The following RFC1 variants were observed in gnomAD, a reference collection of about 807,000 sequenced individuals.
The protein encoded by RFC1 is A1 140 kDa subunit.
A neutral mutation model predicts 137.4 loss-of-function variants in RFC1; 37 were observed. The observed-to-expected ratio is 0.27, with a 90% confidence interval of 0.21 to 0.35. The LOEUF is 0.35. Ranked by LOEUF, RFC1 falls within the 10% of genes least tolerant of loss-of-function variation. The pLI, the probability that RFC1 is intolerant of heterozygous loss-of-function variation, is 1.00. For missense variants in RFC1, 1,205 were observed against 1,358.5 expected, an observed-to-expected ratio of 0.89 and a Z score of 1.78; for synonymous variants, 429 against 455.7, an observed-to-expected ratio of 0.94 and a Z score of 0.75.
At chr4:39,347,228 T>C (rs1467925779) in intron 2 of RFC1, among the ~76,000 whole-genome samples, 1 of 152,218 alleles carries the variant, frequency 6.6e-6, no homozygotes, top group Non-Finnish European at 1.5e-5. Context: ...GCTTAATATT[T>C]AAATCAATTG....
intron 12 of RFC1, among the ~76,000 whole-genome samples, chr4:39,309,922 C>T (rs926531645): frequency 3.9e-5 from 6 of 152,146 alleles, no homozygotes; most frequent in Admixed American, 2.6e-4. Flanking sequence ...TAAGTACCTC[C>T]TTCTCCTGCC....
At chr4:39,364,294 A>G (rs1741914306) in intron 1 of RFC1, among the ~76,000 whole-genome samples, 2 of 151,094 alleles carry the variant, frequency 1.3e-5, no homozygotes. Flanking sequence ...CTACTGTCTT[A>G]TAACTTTGCA....
intron 1 of RFC1, among the ~76,000 whole-genome samples, chr4:39,354,808 C>T (rs1449082559): frequency 6.8e-6 from 1 of 146,038 alleles, no homozygotes; most frequent in Non-Finnish European, 1.5e-5. Context: ...ACAGGCTGGA[C>T]ACAGTGGCTC....
chr4:39,336,596 G>C (rs1426699789), intron 4 of RFC1, among the ~76,000 whole-genome samples: 1 of 152,254 alleles, frequency 6.6e-6, no homozygotes, highest in African/African-American at 2.4e-5. Flanking sequence ...TTGAAGCCGA[G>C]TAACTCTCTG....
At chr4:39,331,332 A>G (rs780770944) in intron 4 of RFC1, among the ~76,000 whole-genome samples, 1 of 152,200 alleles carries the variant, frequency 6.6e-6, no homozygotes, top group Non-Finnish European at 1.5e-5. Flanking sequence ...CTAGTTTCCT[A>G]CCACCTTAAA....
At chr4:39,292,024 G>A in intron 22 of RFC1, 172 bp from the exon 23 acceptor site, 1 of 606,332 alleles carries the variant, frequency 1.6e-6, no homozygotes, top group African/African-American at 1.8e-5. Context: ...CAGCACCACA[G>A]CATGAGGGTA....
At position 39,288,130 on chromosome 4, in the gene RFC1, T is replaced by G. The variant is rs1163125645; in HGVS notation, c.*631A>C. 1 of 152,194 alleles carries G rather than the reference T, an allele frequency of 6.6e-6. No individual in the cohort carries two copies. The highest frequency in any genetic ancestry group is 1.5e-5 in the Non-Finnish European group (1 of 68,028). The allele number at this position is 152,194 out of a possible 1,614,324, so 9.4% of individuals were successfully genotyped here. On this transcript the variant is annotated 3_prime_UTR_variant, in exon 25 of 25. Transcript: ENST00000349703. ...AATACAGTGAGCTTTTTTAATCCAA[T>G]CATTTGCAAATTAATAAGGAAGTAA...
At chr4:39,321,406 A>C in intron 7 of RFC1, 32 bp from the exon 8 acceptor site, 1 of 1,576,094 alleles carries the variant, frequency 6.3e-7, no homozygotes. Flanking sequence ...CAAATGTGAC[A>C]AATAATAGAA....
rs1394387956 is a variant in RFC1, at chr4:39,308,698, G to C, written c.1823C>G (p.Ala608Gly). The C allele has an allele frequency of 1.2e-6, 2 of 1,614,010 alleles. No individual in the cohort carries two copies. Among genetic ancestry groups the C allele is most frequent in the African/African-American group, 2.7e-5 (2 of 74,906 alleles). Reference protein sequence around the residue: ...IIGQQGDQSCANKLLRWLRNW... With the variant: ...IIGQQGDQSCGNKLLRWLRNW... ...TCGGAGCCAGCGTAGGAGTTTGTTG[G>C]CACAGCTCTGGTCACCTTGCTGTCC... The change falls in exon 13 of 25, where the codon GCC (alanine) becomes GGC (glycine). Residue 608 changes from alanine to glycine, a missense_variant. Around this residue, in one of 3 missense-constraint regions of RFC1, gnomAD observed 962 missense variants for 1,035.3 expected, o/e 0.93. Transcript: ENST00000349703.
At chr4:39,313,228 T>G (rs1428377362) in intron 10 of RFC1, among the ~76,000 whole-genome samples, 6 of 152,202 alleles carry the variant, frequency 3.9e-5, no homozygotes, top group Non-Finnish European at 8.8e-5. Context: ...TATGCCCTCT[T>G]CATATCTAAA....
At chr4:39,335,747 G>A (rs531371484) in intron 4 of RFC1, among the ~76,000 whole-genome samples, 1 of 152,268 alleles carries the variant, frequency 6.6e-6, no homozygotes, top group South Asian at 2.1e-4. Flanking sequence ...AGAGTTAAGG[G>A]AGTGATTCTG....
chr4:39,351,276 A>AAAAAAAT, intron 2 of RFC1, 72 bp downstream of exon 2: 1 of 545,520 alleles, frequency 1.8e-6, no homozygotes, highest in Non-Finnish European at 2.6e-6. Context: ...AAAAAAAAAA[A>AAAAAAAT]AAAAAAAAAC....
In RFC1 at chr4:39,319,584, T is replaced by C. The variant is rs1578134014; in HGVS notation, c.1095+799A>G. Among the ~76,000 whole-genome samples the C allele has an allele frequency of 3.3e-5, 5 of 152,246 alleles. No individual in the cohort carries two copies. In the South Asian group the frequency reaches 1.0e-3, roughly 32 times the overall value. ...CCTACAACAGCTTCTAAATAAGATA[T>C]CTTAAAAATATTATAATGACTTATG... On this transcript the variant is annotated intron_variant, in intron 9 of 24. Coordinates refer to ENST00000349703, the MANE Select transcript of RFC1 (RefSeq NM_002913.5).
chr4:39,294,989 T>G (rs1295357570), intron 22 of RFC1, among the ~76,000 whole-genome samples: 1 of 152,146 alleles, frequency 6.6e-6, no homozygotes, highest in African/African-American at 2.4e-5. Flanking sequence ...GGTGACAGAG[T>G]GTGACCTTGT....
intron 21 of RFC1, chr4:39,296,039 A>C: frequency 3.6e-6 from 1 of 279,366 alleles, no homozygotes; most frequent in Non-Finnish European, 6.6e-6. Context: ...ATCTCAACAT[A>C]CCGGTTACCT....
intron 14 of RFC1, 104 bp from the exon 15 acceptor site, chr4:39,305,032 A>G: frequency 1.3e-6 from 1 of 742,964 alleles, no homozygotes; most frequent in Non-Finnish European, 2.4e-6. Flanking sequence ...AAATTAATAT[A>G]AAAACCCATA....
chr4:39,336,651 A>G (rs1490712931), intron 4 of RFC1, among the ~76,000 whole-genome samples: 1 of 152,258 alleles, frequency 6.6e-6, no homozygotes, highest in Non-Finnish European at 1.5e-5. Context: ...GGCCTCTGCC[A>G]CTTACATGCC....
intron 1 of RFC1, among the ~76,000 whole-genome samples, chr4:39,352,920 T>A (rs1478874095): frequency 2.6e-5 from 4 of 152,162 alleles, no homozygotes; most frequent in Non-Finnish European, 1.5e-5. Flanking sequence ...CTGAGAGAAA[T>A]GCCTATAAAA....
At chr4:39,364,565 G>T (rs898847316) in intron 1 of RFC1, among the ~76,000 whole-genome samples, 7 of 152,140 alleles carry the variant, frequency 4.6e-5, no homozygotes, top group African/African-American at 7.2e-5. Flanking sequence ...ATGATCAAAA[G>T]TTGACCACAC....
Sources: gnomAD v4.1 joint callset for allele counts (sites outside exome capture counted in the v4.1 genomes callset) on GRCh38, gnomAD v4.1.1 for gene constraint, gnomAD v4.1.1 regional missense constraint, MANE v1.5 for transcripts, NCBI Gene and HGNC (gene_info 2026-07-23, HGNC 2026-07-21) for gene names.